The following PTPRD variants were observed in gnomAD, a reference collection of about 807,000 sequenced individuals.
PTPRD encodes the protein receptor-type tyrosine-protein phosphatase delta.
PTPRD carries 34 observed loss-of-function variants against 214.5 expected under a neutral mutation model. The observed-to-expected ratio is 0.16, with a 90% CI of 0.12 to 0.21. The LOEUF (loss-of-function observed/expected upper bound fraction) is 0.21, where lower values mean the gene tolerates loss of function less well. Ranked by LOEUF, PTPRD falls within the 10% of genes least tolerant of loss-of-function variation. PTPRD has a pLI of 1.00. For missense variants in PTPRD, 2,545 were observed against 2,398.7 expected, an observed-to-expected ratio of 1.06 and a Z score of -1.27; for synonymous variants, 1,128 against 845.7, an observed-to-expected ratio of 1.33 and a Z score of -5.79.
At chr9:10,048,168 A>T (rs2097443121) in intron 3 of PTPRD, among the ~76,000 whole-genome samples, 1 of 152,106 alleles carries the variant, frequency 6.6e-6, no homozygotes, top group Admixed American at 6.6e-5. Context: ...TCTAGCAGGG[A>T]CTAGTTCCTT....
chr9:9,880,994 A>G (rs1008467432), intron 5 of PTPRD, among the ~76,000 whole-genome samples: 1 of 152,182 alleles, frequency 6.6e-6, no homozygotes, highest in Admixed American at 6.6e-5. Context: ...AGTATTTTGC[A>G]TAGGCACATT....
intron 3 of PTPRD, among the ~76,000 whole-genome samples, chr9:10,156,914 G>A (rs1037140311): frequency 1.3e-5 from 2 of 151,958 alleles, no homozygotes; most frequent in African/African-American, 4.8e-5. Flanking sequence ...TTTCTTTGTT[G>A]GCTTAAAGTC....
chr9:9,093,697 T>A (rs1327857255), intron 10 of PTPRD, among the ~76,000 whole-genome samples: 2 of 151,482 alleles, frequency 1.3e-5, no homozygotes, highest in African/African-American at 4.8e-5. Flanking sequence ...TAAACAGGCA[T>A]ATAGAGGAAA....
At position 8,349,264 on chromosome 9, in the gene PTPRD, T is replaced by C. The variant is rs766250757; in HGVS notation, c.4662-7286A>G. Among the ~76,000 whole-genome samples the C allele has an allele frequency of 3.3e-5, 5 of 152,172 alleles. No individual in the cohort carries two copies. The South Asian group carries it at 6.2e-4, about 19-fold the overall frequency. On this transcript the variant is annotated intron_variant, in intron 39 of 45. Transcript: ENST00000381196. ...AATAACAAACCTCCGGCACTTATTTTTCCTTAAGAAATTGAATGTTGAAAA... is the reference window on the plus strand; with the variant it reads ...AATAACAAACCTCCGGCACTTATTTCTCCTTAAGAAATTGAATGTTGAAAA...
intron 2 of PTPRD, among the ~76,000 whole-genome samples, chr9:10,515,398 A>G (rs1421999334): frequency 6.9e-6 from 1 of 145,714 alleles, no homozygotes; most frequent in African/African-American, 2.4e-5. Flanking sequence ...GTCTTTTATT[A>G]CCATAAAAGG....
intron 11 of PTPRD, among the ~76,000 whole-genome samples, chr9:8,939,927 A>G (rs1476347634): frequency 6.6e-6 from 1 of 152,008 alleles, no homozygotes; most frequent in African/African-American, 2.4e-5. Flanking sequence ...AAAAACATAA[A>G]TTAACATGTA....
chr9:9,612,781 T>A (rs1239641493), intron 7 of PTPRD, among the ~76,000 whole-genome samples: 3 of 152,154 alleles, frequency 2.0e-5, no homozygotes, highest in Non-Finnish European at 2.9e-5. Flanking sequence ...TTTTGATTCA[T>A]GTTGATATAA....
chr9:8,495,722 T>C (rs960428880), intron 26 of PTPRD, among the ~76,000 whole-genome samples: 1 of 152,236 alleles, frequency 6.6e-6, no homozygotes, highest in African/African-American at 2.4e-5. Flanking sequence ...ATAATGTATT[T>C]CTTACTGTGA....
intron 2 of PTPRD, among the ~76,000 whole-genome samples, chr9:10,505,463 A>G (rs1256444787): frequency 6.6e-6 from 1 of 152,218 alleles, no homozygotes; most frequent in Admixed American, 6.5e-5. Flanking sequence ...TAGACATATC[A>G]GCCACTGAGT....
chr9:10,387,389 G>A (rs1465977081), intron 2 of PTPRD, among the ~76,000 whole-genome samples: 41 of 151,968 alleles, frequency 2.7e-4, no homozygotes, highest in Non-Finnish European at 1.2e-4. Flanking sequence ...TTAAGGAAAA[G>A]GCTTTACTGG....
At chr9:8,530,684 T>C (rs975248648) in intron 14 of PTPRD, among the ~76,000 whole-genome samples, 2 of 152,070 alleles carry the variant, frequency 1.3e-5, no homozygotes, top group Non-Finnish European at 2.9e-5. Context: ...GTTTAAAAAA[T>C]ATATATATCC....
chr9:9,869,617 C>T (rs888158217), intron 5 of PTPRD, among the ~76,000 whole-genome samples: 1 of 151,916 alleles, frequency 6.6e-6, no homozygotes, highest in African/African-American at 2.4e-5. Context: ...AAGTAAAAGA[C>T]AATACCTAAA....
At chr9:8,627,456 C>A (rs567516877) in intron 14 of PTPRD, among the ~76,000 whole-genome samples, 165 of 151,978 alleles carry the variant, frequency 1.1e-3, no homozygotes, top group African/African-American at 3.7e-3. Flanking sequence ...GTTCGGTTAA[C>A]AAGTTAAGCA....
intron 12 of PTPRD, chr9:8,713,758 A>G: frequency 6.5e-7 from 1 of 1,529,846 alleles, no homozygotes; most frequent in Non-Finnish European, 8.9e-7. Context: ...CGACTGCAAG[A>G]TCAAGTTCCC....
intron 7 of PTPRD, among the ~76,000 whole-genome samples, chr9:9,640,371 C>G: frequency 6.6e-6 from 1 of 152,146 alleles, no homozygotes; most frequent in East Asian, 1.9e-4. Flanking sequence ...GGGAGAGACC[C>G]TGTGTGAAAG....
intron 2 of PTPRD, among the ~76,000 whole-genome samples, chr9:10,454,542 C>T (rs111626641): frequency 0.012 from 1,826 of 151,752 alleles, 33 homozygotes; most frequent in African/African-American, 0.04. Context: ...ACTATGCCTC[C>T]TACTTTACTG....
chr9:8,455,628 T>TTAAA (rs1450528683), intron 33 of PTPRD, among the ~76,000 whole-genome samples: 1 of 152,168 alleles, frequency 6.6e-6, no homozygotes, highest in African/African-American at 2.4e-5. Context: ...AAATCCACAT[T>TTAAA]TAAATGGTAC....
intron 12 of PTPRD, among the ~76,000 whole-genome samples, chr9:8,708,993 G>C (rs1305294459): frequency 1.3e-5 from 2 of 152,034 alleles, no homozygotes; most frequent in South Asian, 2.1e-4. Flanking sequence ...AAGTAAGCCA[G>C]GCACAAAAAG....
chr9:9,785,283 G>A (rs926128624), intron 5 of PTPRD, among the ~76,000 whole-genome samples: 6 of 152,018 alleles, frequency 3.9e-5, no homozygotes, highest in African/African-American at 1.2e-4. Flanking sequence ...ATTACTGGGT[G>A]AAGCAGGATA....
Sources: gnomAD v4.1 joint callset for allele counts (sites outside exome capture counted in the v4.1 genomes callset) on GRCh38, gnomAD v4.1.1 for gene constraint, MANE v1.5 for transcripts, NCBI Gene and HGNC (gene_info 2026-07-23, HGNC 2026-07-21) for gene names.